CSMD3: variants seen among roughly 807,000 people sequenced by gnomAD.
The protein encoded by CSMD3 is CUB and Sushi multiple domains 3, also known as CUB and sushi domain-containing protein 3.
CSMD3 carries 177 observed loss-of-function variants against 435.2 expected under a neutral mutation model. The ratio of observed to expected loss-of-function variants is 0.41; its 90% CI spans 0.36 to 0.46. CSMD3 has a LOEUF of 0.46. Among genes scored for constraint, CSMD3 ranks in the 20% least tolerant of loss-of-function variants. The probability of loss-of-function intolerance (pLI) is 0.34; values close to 1 mark genes in which losing one functional copy is unlikely to be tolerated. For missense variants in CSMD3, 4,265 were observed against 4,504.6 expected, an observed-to-expected ratio of 0.95 and a Z score of 1.52; for synonymous variants, 1,656 against 1,520.5, an observed-to-expected ratio of 1.09 and a Z score of -2.07.
intron 22 of CSMD3, among the ~76,000 whole-genome samples, chr8:112,598,369 G>A (rs1167735437): frequency 1.3e-5 from 2 of 151,320 alleles, no homozygotes; most frequent in Admixed American, 6.6e-5. Flanking sequence ...AAATAAAAGA[G>A]GATACAAACA....
rs1315240161 is a variant in CSMD3, at chr8:112,335,464, C to T, written c.7030G>A (p.Asp2344Asn). Residue 2344 changes from aspartate to asparagine, a missense_variant, in exon 45 of 71, where the codon GAC (aspartate) becomes AAC (asparagine). By Grantham distance (23) the Asp-to-Asn change is conservative. Around this residue, in one of 3 missense-constraint regions of CSMD3, gnomAD observed 3,255 missense variants for 3,380.2 expected, o/e 0.96. Transcript: ENST00000297405. The stretch of plus-strand genomic sequence containing the variant: ...TGACCGATCTGAGGTGAATTTTGGT[C>T]TGGTCCATCCCTATGAGACAAGGAT... ...YDFITVWDGP[D>N]QNSPQIGQFS... 4.3e-6 allele frequency: 7 copies of T among 1,613,920 alleles called. No homozygotes were observed. Among genetic ancestry groups the T allele is most frequent in the African/African-American group, 1.3e-5 (1 of 75,012 alleles).
intron 5 of CSMD3, among the ~76,000 whole-genome samples, chr8:113,064,279 T>C (rs2088752118): frequency 6.6e-6 from 1 of 151,914 alleles, no homozygotes; most frequent in Non-Finnish European, 1.5e-5. Context: ...AATTCACAGA[T>C]TAAATTAAAA....
chr8:113,292,701 T>C lies in CSMD3; in HGVS notation c.402-13997A>G, dbSNP rs187431994. ...GGCATGCTGTTAAACATAGTAGTTA[T>C]ATTAACAGTTGCCAGACAATTTTAG... is the stretch of plus-strand genomic sequence containing the variant. On this transcript the variant is annotated intron_variant, in intron 2 of 70. Coordinates refer to ENST00000297405, the MANE Select transcript of CSMD3 (RefSeq NM_198123.2). Among the ~76,000 whole-genome samples, 11 of 152,030 alleles carry C rather than the reference T, an allele frequency of 7.2e-5. No individual in the cohort carries two copies. The East Asian group carries it at 1.9e-3, about 27-fold the overall frequency.
At chr8:113,221,354 T>TAGACACACACACACAC (rs2092963889) in intron 3 of CSMD3, among the ~76,000 whole-genome samples, 1 of 141,814 alleles carries the variant, frequency 7.1e-6, no homozygotes, top group Non-Finnish European at 1.6e-5. Context: ...CAGACACAGT[T>TAGACACACACACACAC]ACACACACAC....
At chr8:112,339,448 T>C (rs891624753) in intron 42 of CSMD3, among the ~76,000 whole-genome samples, 6 of 152,124 alleles carry the variant, frequency 3.9e-5, no homozygotes, top group Non-Finnish European at 7.4e-5. Flanking sequence ...ATCTGGGCCC[T>C]TGAGCCACTG....
At chr8:112,442,559 T>A (rs1815148364) in intron 32 of CSMD3, among the ~76,000 whole-genome samples, 1 of 152,186 alleles carries the variant, frequency 6.6e-6, no homozygotes, top group African/African-American at 2.4e-5. Flanking sequence ...TTTTACTTCT[T>A]TTCCTTTTTC....
chr8:112,594,332 C>A (rs921210188), intron 22 of CSMD3, among the ~76,000 whole-genome samples: 4 of 152,180 alleles, frequency 2.6e-5, no homozygotes, highest in Non-Finnish European at 4.4e-5. Context: ...CGGCGCACCA[C>A]GAGATTATAT....
chr8:112,845,261 C>A (rs563715365), intron 11 of CSMD3, among the ~76,000 whole-genome samples: 1 of 152,024 alleles, frequency 6.6e-6, no homozygotes, highest in Non-Finnish European at 1.5e-5. Context: ...TGGTTTTTGT[C>A]CTTAAGGGTT....
At chr8:112,280,707 A>G (rs951940196) in intron 59 of CSMD3, among the ~76,000 whole-genome samples, 3 of 152,138 alleles carry the variant, frequency 2.0e-5, no homozygotes, top group Non-Finnish European at 4.4e-5. Context: ...CAGAATCTCC[A>G]AAGTGCCATC....
chr8:112,762,420 A>G (rs1344932335), intron 13 of CSMD3, among the ~76,000 whole-genome samples: 2 of 151,964 alleles, frequency 1.3e-5, no homozygotes, highest in African/African-American at 2.4e-5. Flanking sequence ...ATGGCAGTGA[A>G]TTGTCAATGC....
At chr8:112,737,449 T>C (rs1441613809) in intron 13 of CSMD3, among the ~76,000 whole-genome samples, 1 of 151,892 alleles carries the variant, frequency 6.6e-6, no homozygotes, top group African/African-American at 2.4e-5. Context: ...TTAAAGTGAT[T>C]AGTACCTAAA....
In CSMD3 at chr8:113,018,378, A is replaced by G. The variant is rs530930336; in HGVS notation, c.1030+689T>C. On this transcript the variant is annotated intron_variant, in intron 6 of 70. Transcript: ENST00000297405. ...AAGCATTAAAAAAAACAAAAAACAC[A>G]GATAAATGGAAGAATGTAACTGTGG... Among the ~76,000 whole-genome samples, 4 of 152,186 alleles carry G rather than the reference A, an allele frequency of 2.6e-5. No individual in the cohort carries two copies. The East Asian group carries it at 7.7e-4, about 29-fold the overall frequency.
At chr8:112,752,886 A>G (rs1170407100) in intron 13 of CSMD3, among the ~76,000 whole-genome samples, 1 of 149,508 alleles carries the variant, frequency 6.7e-6, no homozygotes, top group Non-Finnish European at 1.5e-5. Flanking sequence ...TAAGCCCTTC[A>G]GTATTTGTTA....
chr8:113,124,239 C>T (rs2091063279), intron 4 of CSMD3, among the ~76,000 whole-genome samples: 1 of 151,974 alleles, frequency 6.6e-6, no homozygotes, highest in South Asian at 2.1e-4. Context: ...AAAATGCATA[C>T]TGCAAGGTCC....
chr8:113,070,094 T>C (rs1001703774), intron 5 of CSMD3, among the ~76,000 whole-genome samples: 21 of 152,084 alleles, frequency 1.4e-4, no homozygotes, highest in African/African-American at 4.1e-4. Context: ...AGTAAGATAA[T>C]TGTTACACTT....
At chr8:112,783,096 T>C (rs930217459) in intron 13 of CSMD3, among the ~76,000 whole-genome samples, 1 of 151,992 alleles carries the variant, frequency 6.6e-6, no homozygotes, top group Non-Finnish European at 1.5e-5. Context: ...GTGGGAAGGC[T>C]AAAATATGAA....
Position 112,638,750 on chromosome 8 carries a change from G to T in CSMD3, c.3472C>A (p.Arg1158Ser), listed in dbSNP as rs1396639752. 1.2e-6 allele frequency: 2 copies of T among 1,610,230 alleles called. No individual in the cohort carries two copies. Among genetic ancestry groups the T allele is most frequent in the South Asian group, 1.1e-5 (1 of 91,000 alleles). ...GLYGNFRAQL[R>S]FISDFSISYE... ...GATATTGAAAAATCTGAAATGAAAC[G>T]CAATTGAGCCCTGAAATTTCCATAG... Residue 1158 changes from arginine (R) to serine (S), a missense_variant, in exon 21 of 71, where the codon CGT becomes AGT. Transcript: ENST00000297405.
chr8:113,162,800 G>C (rs989230915), intron 4 of CSMD3, among the ~76,000 whole-genome samples: 2 of 152,068 alleles, frequency 1.3e-5, no homozygotes, highest in African/African-American at 4.8e-5. Flanking sequence ...GGTCCACAGA[G>C]AGTGCTTATT....
chr8:112,518,992 G>C (rs1563649478), intron 27 of CSMD3, among the ~76,000 whole-genome samples: 1 of 152,066 alleles, frequency 6.6e-6, no homozygotes, highest in African/African-American at 2.4e-5. Context: ...ATCAAGAGAA[G>C]AGCAAGGGAG....
Sources: gnomAD v4.1 joint callset for allele counts (sites outside exome capture counted in the v4.1 genomes callset) on GRCh38, gnomAD v4.1.1 for gene constraint, gnomAD v4.1.1 regional missense constraint, MANE v1.5 for transcripts, NCBI Gene and HGNC (gene_info 2026-07-23, HGNC 2026-07-21) for gene names.